The following RHOBTB1 variants were observed in gnomAD, a reference collection of about 807,000 sequenced individuals.
The protein encoded by RHOBTB1 is rho-related BTB domain-containing protein 1.
A neutral mutation model predicts 71.6 loss-of-function variants in RHOBTB1; 40 were observed. The observed-to-expected ratio is 0.56, with a 90% CI of 0.43 to 0.73. The LOEUF (loss-of-function observed/expected upper bound fraction) is 0.73, where lower values mean the gene tolerates loss of function less well. Among genes scored for constraint, RHOBTB1 ranks in the 30% least tolerant of loss-of-function variants. RHOBTB1 has a pLI of 0.00. For synonymous variants in RHOBTB1, 319 were observed against 334.9 expected, an observed-to-expected ratio of 0.95 and a Z score of 0.52; for missense variants, 797 against 894.0, an observed-to-expected ratio of 0.89 and a Z score of 1.38.
chr10:60,979,113 C>T (rs182684076), intron 2 of RHOBTB1, among the ~76,000 whole-genome samples: 19 of 152,236 alleles, frequency 1.2e-4, no homozygotes, highest in Admixed American at 4.6e-4. Flanking sequence ...AATATTTATG[C>T]TAGGAACATG....
chr10:60,919,057 A>G (rs2083417206), intron 2 of RHOBTB1, among the ~76,000 whole-genome samples: 1 of 152,044 alleles, frequency 6.6e-6, no homozygotes, highest in Non-Finnish European at 1.5e-5. Context: ...TATATTTGCT[A>G]TTTCTATCAA....
the RHOBTB1 span, among the ~76,000 whole-genome samples, chr10:60,864,319 T>C: frequency 6.6e-6 from 1 of 152,190 alleles, no homozygotes; most frequent in Non-Finnish European, 1.5e-5. Flanking sequence ...GGCCATAACA[T>C]AGACTCAAAA....
intron 4 of RHOBTB1, among the ~76,000 whole-genome samples, chr10:60,896,826 A>G (rs1359861129): frequency 6.6e-6 from 1 of 152,230 alleles, no homozygotes; most frequent in Non-Finnish European, 1.5e-5. Flanking sequence ...ACAATCTGAA[A>G]TAAATCGAAA....
intron 1 of RHOBTB1, among the ~76,000 whole-genome samples, chr10:61,001,095 T>TGTGTGC (rs1331012642): frequency 5.3e-5 from 8 of 151,980 alleles, no homozygotes; most frequent in African/African-American, 1.7e-4. Context: ...TGTGTGTGTG[T>TGTGTGC]GTGCTGGGGG....
intron 2 of RHOBTB1, among the ~76,000 whole-genome samples, chr10:60,957,876 G>A (rs1221905502): frequency 6.6e-6 from 1 of 152,078 alleles, no homozygotes; most frequent in Non-Finnish European, 1.5e-5. Flanking sequence ...TAAGTCACTT[G>A]TGCAATACCA....
chr10:60,995,518 G>A (rs994627237), intron 1 of RHOBTB1, among the ~76,000 whole-genome samples: 4 of 152,004 alleles, frequency 2.6e-5, no homozygotes, highest in Non-Finnish European at 5.9e-5. Context: ...AAGGCTTTGG[G>A]GAACAACATT....
At chr10:60,882,456 A>G (rs1399419755) in intron 7 of RHOBTB1, among the ~76,000 whole-genome samples, 1 of 152,238 alleles carries the variant, frequency 6.6e-6, no homozygotes, top group Admixed American at 6.5e-5. Context: ...CTGCTACATT[A>G]AAAGTAATGA....
intron 2 of RHOBTB1, among the ~76,000 whole-genome samples, chr10:60,932,513 TAAAAAA>T (rs3049595): frequency 9.3e-6 from 1 of 107,968 alleles, no homozygotes. Context: ...TTTCTTAAAG[TAAAAAA>T]AAAAAAAAAA....
intron 2 of RHOBTB1, among the ~76,000 whole-genome samples, chr10:60,953,481 G>A (rs571563261): frequency 3.3e-5 from 5 of 152,288 alleles, no homozygotes; most frequent in South Asian, 2.1e-4. Context: ...GTACCTAAGC[G>A]ACTTTTGTCT....
At chr10:60,867,427 TG>T (rs1281323884), downstream of RHOBTB1, among the ~76,000 whole-genome samples, 1 of 152,212 alleles carries the variant, frequency 6.6e-6, no homozygotes, top group Non-Finnish European at 1.5e-5. Flanking sequence ...CTTCGAAGCA[TG>T]GGGCCACATT....
chr10:60,905,967 G>A (rs747455926), intron 4 of RHOBTB1, among the ~76,000 whole-genome samples: 23 of 152,150 alleles, frequency 1.5e-4, no homozygotes, highest in Admixed American at 2.0e-4. Flanking sequence ...GTGTTCATTC[G>A]TGTCTGATTA....
chr10:60,861,049 A>G, the RHOBTB1 span, among the ~76,000 whole-genome samples: 5 of 152,218 alleles, frequency 3.3e-5, no homozygotes, highest in African/African-American at 1.2e-4. Flanking sequence ...GGAAGGCTGA[A>G]TCAAGATATG....
intron 4 of RHOBTB1, among the ~76,000 whole-genome samples, chr10:60,903,397 C>G (rs908092961): frequency 6.6e-6 from 1 of 152,116 alleles, no homozygotes; most frequent in African/African-American, 2.4e-5. Context: ...AGTGAGAGGA[C>G]CCACTTGATC....
chr10:60,884,354 G>A lies in RHOBTB1; in HGVS notation c.1575+1758C>T, dbSNP rs374289512. Reference sequence around the variant, plus strand: ...AAAGATGCTGAGACAAGTAAAACAAGCCTCTTAGGACAATAAACTGGGTGG... The same window carrying A: ...AAAGATGCTGAGACAAGTAAAACAAACCTCTTAGGACAATAAACTGGGTGG... On this transcript the variant is annotated intron_variant, in intron 7 of 10. Transcript: ENST00000337910. Among the ~76,000 whole-genome samples the A allele has an allele frequency of 7.4e-4, 112 of 152,294 alleles. 1 individual carries two copies. Among genetic ancestry groups the A allele is most frequent in the African/African-American group, 2.6e-3 (106 of 41,552 alleles).
At chr10:60,899,034 T>C (rs2082285951) in intron 4 of RHOBTB1, among the ~76,000 whole-genome samples, 2 of 152,184 alleles carry the variant, frequency 1.3e-5, no homozygotes, top group South Asian at 4.1e-4. Flanking sequence ...ATCATAGGGG[T>C]TAATGGCCTT....
intron 2 of RHOBTB1, among the ~76,000 whole-genome samples, chr10:60,929,591 C>T (rs930010611): frequency 6.6e-6 from 1 of 152,096 alleles, no homozygotes; most frequent in Non-Finnish European, 1.5e-5. Flanking sequence ...GATCATCCTA[C>T]ATAGTTATTT....
intron 2 of RHOBTB1, among the ~76,000 whole-genome samples, chr10:60,924,021 G>A (rs2083717594): frequency 1.3e-5 from 2 of 152,210 alleles, no homozygotes; most frequent in South Asian, 4.2e-4. Context: ...AGAACAAAAT[G>A]TTCCCACTAC....
chr10:60,908,241 C>T (rs1299905260), intron 4 of RHOBTB1, among the ~76,000 whole-genome samples: 3 of 152,200 alleles, frequency 2.0e-5, no homozygotes, highest in African/African-American at 7.2e-5. Context: ...TTATTAACTA[C>T]CTTTTGCTAT....
At chr10:60,992,806 G>A (rs1468594145) in intron 1 of RHOBTB1, among the ~76,000 whole-genome samples, 1 of 151,778 alleles carries the variant, frequency 6.6e-6, no homozygotes, top group Non-Finnish European at 1.5e-5. Context: ...AACACAAAGG[G>A]GAAAAAAACA....
Sources: allele counts gnomAD v4.1 joint callset (sites outside exome capture counted in the v4.1 genomes callset), GRCh38; gene constraint gnomAD v4.1.1; transcripts MANE v1.5; gene names NCBI Gene and HGNC (gene_info 2026-07-23, HGNC 2026-07-21).